KCNJ12: variants seen among roughly 807,000 people sequenced by gnomAD.
The protein encoded by KCNJ12 is ATP-sensitive inward rectifier potassium channel 12.
In KCNJ12, 2 loss-of-function variants were observed where a neutral mutation model predicts 22.3. That is an observed-to-expected ratio of 0.09 (90% CI 0.04 to 0.28). The LOEUF (loss-of-function observed/expected upper bound fraction) is 0.28, where lower values mean the gene tolerates loss of function less well. Among genes scored for constraint, KCNJ12 ranks in the 10% least tolerant of loss-of-function variants. The probability of loss-of-function intolerance (pLI) is 1.00; values close to 1 mark genes in which losing one functional copy is unlikely to be tolerated. For synonymous variants in KCNJ12, 117 were observed against 261.4 expected (o/e 0.45, Z 5.33); for missense variants, 155 against 633.3 (o/e 0.24, Z 8.11).
intron 1 of KCNJ12, among the ~76,000 whole-genome samples, chr17:21,379,020 G>A (rs562206087): frequency 3.9e-5 from 6 of 152,292 alleles, no homozygotes; most frequent in African/African-American, 1.4e-4. Flanking sequence ...CAGGCCAGGC[G>A]CTTACCCCAC....
chr17:21,412,385 A>G (rs1157165433), intron 2 of KCNJ12, among the ~76,000 whole-genome samples: 1 of 152,306 alleles, frequency 6.6e-6, no homozygotes, highest in Non-Finnish European at 1.5e-5. Context: ...CTGGGAGCAC[A>G]TGCAGACCGG....
intron 1 of KCNJ12, among the ~76,000 whole-genome samples, chr17:21,397,046 A>T (rs1905391328): frequency 6.6e-6 from 1 of 152,170 alleles, no homozygotes. Flanking sequence ...GTTTCCTCAT[A>T]TGTGAAACAG....
chr17:21,412,843 G>A (rs1437314048), intron 2 of KCNJ12, among the ~76,000 whole-genome samples: 4 of 152,288 alleles, frequency 2.6e-5, no homozygotes, highest in African/African-American at 9.6e-5. Context: ...CAACTCTCCT[G>A]CTTAATGGCT....
rs1333875437 is a variant in KCNJ12, at chr17:21,399,315, C to T, written c.-178-9204C>T. ...TTCGTCTTGGGGCAAGGATAGTCCCCAGCGTGTCTCCTGGGGTTGTCAAGA... is the reference window on the plus strand; with the variant it reads ...TTCGTCTTGGGGCAAGGATAGTCCCTAGCGTGTCTCCTGGGGTTGTCAAGA... On this transcript the variant is annotated intron_variant, in intron 1 of 2. Coordinates refer to ENST00000583088, the MANE Select transcript of KCNJ12 (RefSeq NM_021012.5). 2.0e-5 allele frequency among the ~76,000 whole-genome samples: 3 copies of T among 152,190 alleles called. No homozygotes were observed. In the East Asian group the frequency reaches 5.8e-4, roughly 29 times the overall value.
chr17:21,383,403 G>A (rs940806066), intron 1 of KCNJ12, among the ~76,000 whole-genome samples: 3 of 152,178 alleles, frequency 2.0e-5, no homozygotes, highest in Non-Finnish European at 4.4e-5. Context: ...GGGGCGCCGA[G>A]GCCAGAGAGG....
intron 1 of KCNJ12, among the ~76,000 whole-genome samples, chr17:21,404,970 A>T (rs2142066005): frequency 6.6e-6 from 1 of 152,366 alleles, no homozygotes; most frequent in African/African-American, 2.4e-5. Context: ...CCCCATCTTT[A>T]CGCCACGGAA....
intron 1 of KCNJ12, among the ~76,000 whole-genome samples, chr17:21,403,912 C>T (rs1905779354): frequency 6.6e-6 from 1 of 152,294 alleles, no homozygotes; most frequent in Non-Finnish European, 1.5e-5. Context: ...TGCCTTGTTG[C>T]CCCAGAACTC....
intron 1 of KCNJ12, among the ~76,000 whole-genome samples, chr17:21,394,581 C>T (rs1905290442): frequency 6.6e-6 from 1 of 152,160 alleles, no homozygotes; most frequent in Non-Finnish European, 1.5e-5. Context: ...TGTTGCTGTC[C>T]TGGAAACAGA....
chr17:21,378,221 C>G (rs1354718365), intron 1 of KCNJ12, among the ~76,000 whole-genome samples: 1 of 152,268 alleles, frequency 6.6e-6, no homozygotes, highest in Admixed American at 6.5e-5. Flanking sequence ...CGCGGCCCCT[C>G]CTCGCGCAGC....
At chr17:21,398,567 C>T (rs1905462441) in intron 1 of KCNJ12, among the ~76,000 whole-genome samples, 1 of 152,130 alleles carries the variant, frequency 6.6e-6, no homozygotes, top group Admixed American at 6.5e-5. Flanking sequence ...CAGGTATCCT[C>T]AGCGGTGACC....
intron 1 of KCNJ12, among the ~76,000 whole-genome samples, chr17:21,393,106 C>T (rs1405892422): frequency 1.3e-5 from 2 of 152,180 alleles, no homozygotes; most frequent in Non-Finnish European, 2.9e-5. Context: ...GCCGTACCGG[C>T]TCTCCCTTGC....
intron 1 of KCNJ12, among the ~76,000 whole-genome samples, chr17:21,392,212 C>CACCACTGG (rs536682174): frequency 3.9e-5 from 6 of 152,290 alleles, no homozygotes; most frequent in East Asian, 1.9e-4. Context: ...CTGCACACAG[C>CACCACTGG]ACCACTGGAC....
intron 1 of KCNJ12, among the ~76,000 whole-genome samples, chr17:21,399,612 A>G (rs1905503049): frequency 6.6e-6 from 1 of 152,152 alleles, no homozygotes; most frequent in Non-Finnish European, 1.5e-5. Flanking sequence ...ATTAGCTGCC[A>G]CCAAAGGAAT....
rs1398824456 is a variant in KCNJ12, at chr17:21,417,529, C to T, written c.*885C>T. 1 of 167,228 alleles carries T rather than the reference C, an allele frequency of 6.0e-6. No individual in the cohort carries two copies. Among genetic ancestry groups the T allele is most frequent in the Non-Finnish European group, 1.5e-5 (1 of 68,180 alleles). 10.4% of individuals were successfully genotyped at this position (167,228 alleles called of 1,614,324 possible). On this transcript the variant is annotated 3_prime_UTR_variant, in exon 3 of 3. Coordinates refer to ENST00000583088, the MANE Select transcript of KCNJ12 (RefSeq NM_021012.5). ...TTTTGCTTCTCTCTCCATTTCTGTC[C>T]AGGCCTCCGCCCAATTCCACAGTGA...
At chr17:21,385,305 T>A (rs1390678126) in intron 1 of KCNJ12, among the ~76,000 whole-genome samples, 1 of 152,216 alleles carries the variant, frequency 6.6e-6, no homozygotes, top group East Asian at 1.9e-4. Context: ...TGCCCTTCTT[T>A]TATGAGCCTC....
At chr17:21,386,164 G>T (rs944350658) in intron 1 of KCNJ12, among the ~76,000 whole-genome samples, 1 of 152,232 alleles carries the variant, frequency 6.6e-6, no homozygotes, top group African/African-American at 2.4e-5. Flanking sequence ...GTCTGAAACC[G>T]GTGTCTGCAG....
intron 1 of KCNJ12, among the ~76,000 whole-genome samples, chr17:21,394,198 C>T (rs1473167773): frequency 6.6e-6 from 1 of 152,140 alleles, no homozygotes; most frequent in Non-Finnish European, 1.5e-5. Context: ...CAAGGGGCTG[C>T]CCTATACAGG....
At chr17:21,404,062 T>C (rs1328672665) in intron 1 of KCNJ12, among the ~76,000 whole-genome samples, 1 of 152,204 alleles carries the variant, frequency 6.6e-6, no homozygotes, top group African/African-American at 2.4e-5. Context: ...TTCCCTGATA[T>C]GATGGTGGCA....
intron 1 of KCNJ12, among the ~76,000 whole-genome samples, chr17:21,391,323 G>C (rs1264029446): frequency 1.3e-5 from 2 of 152,128 alleles, no homozygotes; most frequent in Non-Finnish European, 2.9e-5. Context: ...CTGGGCCTGC[G>C]GCAGCCCCGC....
Sources: gnomAD v4.1 joint callset for allele counts (sites outside exome capture counted in the v4.1 genomes callset) on GRCh38, gnomAD v4.1.1 for gene constraint, MANE v1.5 for transcripts, NCBI Gene and HGNC (gene_info 2026-07-23, HGNC 2026-07-21) for gene names.